The following REEP1 variants were observed in gnomAD, a reference collection of about 807,000 sequenced individuals.
REEP1 encodes receptor expression-enhancing protein 1.
A neutral mutation model predicts 40.3 loss-of-function variants in REEP1; 22 were observed. The ratio of observed to expected loss-of-function variants is 0.55; its 90% CI spans 0.39 to 0.78. REEP1 has a LOEUF of 0.78. Among genes scored for constraint, REEP1 ranks in the 30% least tolerant of loss-of-function variants. REEP1 has a pLI of 0.00. For missense variants in REEP1, 280 were observed against 361.1 expected (o/e 0.78, Z 1.82); for synonymous variants, 116 against 139.2 (o/e 0.83, Z 1.17).
intron 5 of REEP1, among the ~76,000 whole-genome samples, chr2:86,234,882 A>T (rs1675228541): frequency 6.6e-6 from 1 of 152,204 alleles, no homozygotes; most frequent in Non-Finnish European, 1.5e-5. Flanking sequence ...GCAGCCAATG[A>T]TCCATGATTA....
At chr2:86,237,376 A>G (rs1414896269) in intron 5 of REEP1, among the ~76,000 whole-genome samples, 1 of 152,258 alleles carries the variant, frequency 6.6e-6, no homozygotes, top group East Asian at 1.9e-4. Flanking sequence ...ATGATATGGC[A>G]TGGTCATAAG....
intron 3 of REEP1, among the ~76,000 whole-genome samples, chr2:86,260,302 C>T (rs1676789432): frequency 6.6e-6 from 1 of 152,200 alleles, no homozygotes; most frequent in African/African-American, 2.4e-5. Flanking sequence ...AAAGGACCCT[C>T]ACTTCCCACC....
rs1033784008 is a variant in REEP1 at position 86,216,421 on chromosome 2, A to C, written c.*618T>G. 1 of 152,480 alleles carries C rather than the reference A, an allele frequency of 6.6e-6. No homozygotes were observed. Among genetic ancestry groups the C allele is most frequent in the Non-Finnish European group, 1.5e-5 (1 of 68,236 alleles). 9.4% of individuals were successfully genotyped at this position (152,480 alleles called of 1,614,324 possible). On this transcript the variant is annotated 3_prime_UTR_variant, in exon 9 of 9. Coordinates refer to ENST00000538924, the MANE Select transcript of REEP1 (RefSeq NM_001371279.1). ...TAAAGAATATAGACCACACTCCTGC[A>C]GGGAAAGGGATGTCTTACTGGAGTT...
chr2:86,300,255 C>T (rs1174181915), intron 1 of REEP1, among the ~76,000 whole-genome samples: 3 of 152,190 alleles, frequency 2.0e-5, no homozygotes, highest in Non-Finnish European at 4.4e-5. Flanking sequence ...CAAATCGGTC[C>T]ACTCTCTCTA....
At chr2:86,332,082 G>A (rs568465083) in intron 1 of REEP1, among the ~76,000 whole-genome samples, 16 of 152,222 alleles carry the variant, frequency 1.1e-4, no homozygotes, top group East Asian at 1.9e-4. Context: ...GGAAGCCCCA[G>A]TGTGACTTAA....
intron 1 of REEP1, among the ~76,000 whole-genome samples, chr2:86,330,414 G>GGTGT (rs55660803): frequency 0.077 from 9,817 of 127,752 alleles, 501 homozygotes; most frequent in East Asian, 0.18. Context: ...AGTGAATCCT[G>GGTGT]GTGTGTGTGT....
intron 2 of REEP1, among the ~76,000 whole-genome samples, chr2:86,275,544 A>G (rs1466586678): frequency 6.6e-6 from 1 of 152,196 alleles, no homozygotes; most frequent in African/African-American, 2.4e-5. Context: ...CCCCAGAGCC[A>G]GGTCCCAGAC....
intron 1 of REEP1, among the ~76,000 whole-genome samples, chr2:86,308,340 A>T (rs1047341914): frequency 6.6e-6 from 1 of 152,114 alleles, no homozygotes; most frequent in Non-Finnish European, 1.5e-5. Context: ...TAAAAGGTTG[A>T]TGCCCAGACT....
chr2:86,328,342 A>G (rs904910562), intron 1 of REEP1, among the ~76,000 whole-genome samples: 1 of 152,210 alleles, frequency 6.6e-6, no homozygotes, highest in Admixed American at 6.5e-5. Context: ...TAGTTGTGAC[A>G]AGACTAAATT....
intron 7 of REEP1, among the ~76,000 whole-genome samples, chr2:86,226,396 TTA>T (rs1674700947): frequency 3.0e-5 from 2 of 66,102 alleles, no homozygotes; most frequent in Admixed American, 1.4e-4. Context: ...TCAGAGGACC[TTA>T]GTCCTCTGAA....
intron 1 of REEP1, among the ~76,000 whole-genome samples, chr2:86,302,642 T>C (rs1278540316): frequency 1.3e-5 from 2 of 152,170 alleles, no homozygotes; most frequent in East Asian, 1.9e-4. Context: ...GAATTGGCTA[T>C]AAAACATTAA....
Position 86,259,035 on chromosome 2 carries a change from C to T in REEP1, c.183-4221G>A, listed in dbSNP as rs372063873. Among the ~76,000 whole-genome samples, 35 of 152,216 alleles carry T rather than the reference C, an allele frequency of 2.3e-4. 1 individual carries two copies. In the East Asian group the frequency reaches 2.3e-3, roughly 10 times the overall value. On this transcript the variant is annotated intron_variant, in intron 3 of 8. Transcript: ENST00000538924. ...ACAGTGTTACTAGCCAGGCCAGGCA[C>T]GGTGGCTCATGCCTGTAATCCCAGC... is the stretch of plus-strand genomic sequence containing the variant.
intron 1 of REEP1, among the ~76,000 whole-genome samples, chr2:86,283,753 C>T (rs1020443408): frequency 2.6e-5 from 4 of 152,204 alleles, no homozygotes; most frequent in African/African-American, 9.7e-5. Context: ...ACTGCCTTGT[C>T]CAAGGGAACC....
chr2:86,259,411 G>C (rs1416367692), intron 3 of REEP1, among the ~76,000 whole-genome samples: 1 of 151,336 alleles, frequency 6.6e-6, no homozygotes, highest in East Asian at 1.9e-4. Context: ...TTTTGAGACA[G>C]AGTTTCACTC....
chr2:86,263,624 C>T (rs917387723), intron 3 of REEP1, among the ~76,000 whole-genome samples: 1 of 152,154 alleles, frequency 6.6e-6, no homozygotes, highest in African/African-American at 2.4e-5. Flanking sequence ...CTCAGTTTTT[C>T]CTGTGCATTT....
Position 86,219,987 on chromosome 2 carries a change from T to C in REEP1, c.766A>G (p.Met256Val). ...CTGTGTACCTCCAGGGGCAATTCCA[T>C]CCTTCGAGGTGCTTTATACTTGTAC... The part of the protein sequence containing the change: ...FMYKYKAPRR[M>V]ELPLEAPPRI... The change falls in exon 8 of 9, where the codon ATG (methionine) becomes GTG (valine). Residue 256 changes from methionine to valine, a missense_variant. Coordinates refer to ENST00000538924, the MANE Select transcript of REEP1 (RefSeq NM_001371279.1). 1 of 1,232,156 alleles carries C rather than the reference T, an allele frequency of 8.1e-7. No homozygotes were observed. Among genetic ancestry groups the C allele is most frequent in the Non-Finnish European group, 1.0e-6 (1 of 988,002 alleles). The allele number at this position is 1,232,156 out of a possible 1,614,324, so 76.3% of individuals were successfully genotyped here.
At position 86,214,529 on chromosome 2, in the gene REEP1, T is replaced by C. The variant is rs1339880946; in HGVS notation, c.*2510A>G. On this transcript the variant is annotated 3_prime_UTR_variant, in exon 9 of 9. Coordinates refer to ENST00000538924, the MANE Select transcript of REEP1 (RefSeq NM_001371279.1). The stretch of plus-strand genomic sequence containing the variant: ...CAGCTAGCATTTTGTAAACAGCCTG[T>C]GTCTGTAAGTCAGCAAATTAAAAAC... 1 of 152,672 alleles carries C rather than the reference T, an allele frequency of 6.5e-6. No homozygotes were observed. Among genetic ancestry groups the C allele is most frequent in the Non-Finnish European group, 1.5e-5 (1 of 68,036 alleles). The allele number at this position is 152,672 out of a possible 1,614,324, so 9.5% of individuals were successfully genotyped here.
chr2:86,254,476 T>C (rs1321430417), intron 4 of REEP1, among the ~76,000 whole-genome samples: 1 of 152,230 alleles, frequency 6.6e-6, no homozygotes, highest in Non-Finnish European at 1.5e-5. Flanking sequence ...GGAAATGTTT[T>C]CCAGTAAATA....
At chr2:86,259,771 G>A (rs1676758637) in intron 3 of REEP1, among the ~76,000 whole-genome samples, 1 of 152,014 alleles carries the variant, frequency 6.6e-6, no homozygotes, top group African/African-American at 2.4e-5. Context: ...ATCTATTCTG[G>A]GACCATAAAT....
Sources: gnomAD v4.1 joint callset for allele counts (sites outside exome capture counted in the v4.1 genomes callset) on GRCh38, gnomAD v4.1.1 for gene constraint, MANE v1.5 for transcripts, NCBI Gene and HGNC (gene_info 2026-07-23, HGNC 2026-07-21) for gene names.